XCR1: variants seen among roughly 807,000 people sequenced by gnomAD.
XCR1 encodes the protein chemokine XC receptor 1.
For synonymous variants in XCR1, 187 were observed against 188.5 expected (o/e 0.99, Z 0.06); for missense variants, 356 against 424.2 (o/e 0.84, Z 1.41).
chr3:46,023,555 A>C, intron 1 of XCR1: 1 of 1,508,274 alleles, frequency 6.6e-7, no homozygotes, highest in South Asian at 1.1e-5. Context: ...TTGAAAGCCT[A>C]GCAGAACACA....
At chr3:46,032,915 C>A (rs1708426273) in intron 5 of XCR1, among the ~76,000 whole-genome samples, 1 of 152,158 alleles carries the variant, frequency 6.6e-6, no homozygotes, top group African/African-American at 2.4e-5. Flanking sequence ...AATTTCGAAT[C>A]TGTCTATCAT....
Position 46,021,746 on chromosome 3 carries a change from T to A in XCR1, c.202A>T (p.Ile68Phe). The A allele has an allele frequency of 1.2e-5, 20 of 1,613,894 alleles. No homozygotes were observed. The highest frequency in any genetic ancestry group is 1.7e-5 in the Non-Finnish European group (20 of 1,179,980). ...KYESLESLTNIFILNLCLSDL... is the reference protein window; with the variant it reads ...KYESLESLTNFFILNLCLSDL... ...GAGAGGCACAGGTTGAGGATGAAGATGTTGGTGAGGGACTCCAGGCTCTCA... is the reference window on the plus strand; with the variant it reads ...GAGAGGCACAGGTTGAGGATGAAGAAGTTGGTGAGGGACTCCAGGCTCTCA... The change falls in exon 2 of 2, where the codon ATC becomes TTC. Residue 68 changes from isoleucine to phenylalanine, a missense_variant. By Grantham distance (21) the Ile-to-Phe change is conservative. Transcript: ENST00000309285. This position sits in a 1 kb window ranked among gnomAD's most constrained non-coding sequence, Gnocchi z 4.7.
intron 4 of XCR1, among the ~76,000 whole-genome samples, chr3:46,055,462 C>T (rs917831761): frequency 6.6e-6 from 1 of 152,208 alleles, no homozygotes; most frequent in Admixed American, 6.5e-5. Context: ...ACAGTTTCTT[C>T]ATCCTCTTGT....
chr3:46,030,242 C>T (rs142419480), upstream of XCR1, among the ~76,000 whole-genome samples: 207 of 152,262 alleles, frequency 1.4e-3, 1 homozygote, highest in Middle Eastern at 0.01. Context: ...TGTCTTGTTT[C>T]TGATCTTAGG....
At chr3:46,037,456 A>T (rs1349307821) in intron 5 of XCR1, among the ~76,000 whole-genome samples, 1 of 152,112 alleles carries the variant, frequency 6.6e-6, no homozygotes, top group Non-Finnish European at 1.5e-5. Context: ...TATGAGAAAG[A>T]TCTTGTATGG....
intron 5 of XCR1, among the ~76,000 whole-genome samples, chr3:46,042,287 C>A (rs1697549453): frequency 6.6e-6 from 1 of 151,820 alleles, no homozygotes; most frequent in Admixed American, 6.6e-5. Context: ...AGCAAACTAA[C>A]CCAATGCTAG....
At chr3:46,046,050 A>T (rs1260518412) in intron 5 of XCR1, among the ~76,000 whole-genome samples, 2 of 152,198 alleles carry the variant, frequency 1.3e-5, no homozygotes, top group African/African-American at 2.4e-5. Flanking sequence ...AAAGAATAAA[A>T]TCATGTCTTT....
intron 3 of XCR1, among the ~76,000 whole-genome samples, chr3:46,074,148 C>T (rs992586532): frequency 7.0e-6 from 1 of 143,286 alleles, no homozygotes; most frequent in African/African-American, 2.6e-5. Flanking sequence ...GCACAATTTA[C>T]AATATATATG....
At chr3:46,048,252 A>T (rs1049358137) in intron 5 of XCR1, among the ~76,000 whole-genome samples, 2 of 152,222 alleles carry the variant, frequency 1.3e-5, no homozygotes, top group Non-Finnish European at 2.9e-5. Flanking sequence ...GTGTCACTCC[A>T]AAGTACAGGT....
At chr3:46,043,286 CA>C (rs1361944138) in intron 5 of XCR1, among the ~76,000 whole-genome samples, 1 of 151,822 alleles carries the variant, frequency 6.6e-6, no homozygotes, top group Non-Finnish European at 1.5e-5. Context: ...ACTAAAAATA[CA>C]AAAATTAGCC....
chr3:46,076,167 C>T (rs1423655800), intron 2 of XCR1, among the ~76,000 whole-genome samples: 1 of 152,174 alleles, frequency 6.6e-6, no homozygotes, highest in African/African-American at 2.4e-5. Flanking sequence ...AACCACTGCC[C>T]AGGGGAGACT....
intron 5 of XCR1, among the ~76,000 whole-genome samples, chr3:46,050,860 A>T (rs915424142): frequency 6.6e-6 from 1 of 152,198 alleles, no homozygotes; most frequent in Admixed American, 6.5e-5. Context: ...TAATGCGCCC[A>T]TCGGTTTAAT....
chr3:46,076,495 T>G (rs749827738), intron 2 of XCR1, among the ~76,000 whole-genome samples: 1 of 152,066 alleles, frequency 6.6e-6, no homozygotes, highest in Non-Finnish European at 1.5e-5. Flanking sequence ...GACACTCATC[T>G]TGCAGAGTTG....
chr3:46,070,560 GT>G (rs772026610), intron 3 of XCR1, among the ~76,000 whole-genome samples: 1 of 151,630 alleles, frequency 6.6e-6, no homozygotes, highest in Non-Finnish European at 1.5e-5. Flanking sequence ...TTTTTAAGGT[GT>G]GTTTTATCTG....
chr3:46,020,641 A>G lies in XCR1; in HGVS notation c.*305T>C. 1 of 397,266 alleles carries G rather than the reference A, an allele frequency of 2.5e-6. No homozygotes were observed. Among genetic ancestry groups the G allele is most frequent in the South Asian group, 3.5e-5 (1 of 28,932 alleles). 24.6% of individuals were successfully genotyped at this position (397,266 alleles called of 1,614,324 possible). A position where few individuals can be genotyped will look rare whatever the true frequency, so the allele number is the denominator to read the frequency against. On this transcript the variant is annotated 3_prime_UTR_variant, in exon 2 of 2. Coordinates refer to ENST00000309285, the MANE Select transcript of XCR1 (RefSeq NM_001024644.2). ...TCCCAGAATCCTTTCATGTCTTAGA[A>G]CCTTCTGAACTAAACAGTGATTAGA...
intron 5 of XCR1, among the ~76,000 whole-genome samples, chr3:46,042,396 A>G (rs1301362770): frequency 1.3e-5 from 2 of 152,156 alleles, no homozygotes; most frequent in East Asian, 3.8e-4. Context: ...CTCTTTAAAA[A>G]AAATTGACAA....
At chr3:46,046,394 T>C (rs1015098366) in intron 5 of XCR1, among the ~76,000 whole-genome samples, 1 of 152,200 alleles carries the variant, frequency 6.6e-6, no homozygotes, top group Non-Finnish European at 1.5e-5. Flanking sequence ...ATTCTCTAGA[T>C]GTCCCAGTAG....
intron 1 of XCR1, among the ~76,000 whole-genome samples, chr3:46,081,516 C>T (rs1418915296): frequency 1.3e-5 from 2 of 152,176 alleles, no homozygotes; most frequent in African/African-American, 4.8e-5. Context: ...GCAGAGAGCT[C>T]TGGGGAGATG....
intron 4 of XCR1, among the ~76,000 whole-genome samples, chr3:46,056,692 G>C (rs749502260): frequency 2.6e-5 from 4 of 151,248 alleles, no homozygotes; most frequent in Admixed American, 6.6e-5. Context: ...TCGCCATCTT[G>C]CTCAGGCTGG....
Sources: allele counts gnomAD v4.1 joint callset (sites outside exome capture counted in the v4.1 genomes callset), GRCh38; gene constraint gnomAD v4.1.1; non-coding constraint Gnocchi (gnomAD v3.1); transcripts MANE v1.5; gene names NCBI Gene and HGNC (gene_info 2026-07-23, HGNC 2026-07-21).